BRMS1L: variants seen among roughly 807,000 people sequenced by gnomAD.
The protein encoded by BRMS1L is BRMS1 like transcriptional repressor.
Under a neutral mutation model 50.3 loss-of-function variants are expected in BRMS1L, and 23 were observed. The observed-to-expected ratio is 0.46, with a 90% CI of 0.33 to 0.65. The LOEUF (loss-of-function observed/expected upper bound fraction) is 0.65, where lower values mean the gene tolerates loss of function less well. BRMS1L is among the 30% of genes least tolerant of loss of function. BRMS1L has a pLI of 0.02. For missense variants in BRMS1L, 286 were observed against 386.1 expected, an observed-to-expected ratio of 0.74 and a Z score of 2.17; for synonymous variants, 114 against 126.9, an observed-to-expected ratio of 0.90 and a Z score of 0.69.
At chr14:35,868,688 G>A (rs1371398608) in intron 9 of BRMS1L, among the ~76,000 whole-genome samples, 3 of 152,038 alleles carry the variant, frequency 2.0e-5, no homozygotes, top group Admixed American at 6.6e-5. Flanking sequence ...CAGGAGGATC[G>A]CTTGAGCCCA....
intron 2 of BRMS1L, 80 bp from the exon 3 acceptor site, chr14:35,832,898 A>T (rs11625349): frequency 2.4e-6 from 3 of 1,272,036 alleles, no homozygotes; most frequent in African/African-American, 3.0e-5. Flanking sequence ...GATATTGGGA[A>T]CAAATAATGT....
intron 1 of BRMS1L, 98 bp downstream of exon 1, chr14:35,826,756 G>A (rs2077850307): frequency 2.0e-6 from 3 of 1,520,404 alleles, no homozygotes; most frequent in Non-Finnish European, 2.6e-6. Flanking sequence ...GGAAAGCGGG[G>A]CGGGGACAGA....
chr14:35,861,328 A>G (rs2078348389), intron 4 of BRMS1L, among the ~76,000 whole-genome samples: 1 of 152,222 alleles, frequency 6.6e-6, no homozygotes, highest in African/African-American at 2.4e-5. Context: ...TATCCTTAAC[A>G]GCAAAAGGCT....
intron 6 of BRMS1L, among the ~76,000 whole-genome samples, chr14:35,864,164 G>A (rs567032681): frequency 6.6e-6 from 1 of 152,290 alleles, no homozygotes; most frequent in Non-Finnish European, 1.5e-5. Flanking sequence ...ATTCAATCAT[G>A]ATCTCAACTT....
intron 4 of BRMS1L, among the ~76,000 whole-genome samples, chr14:35,841,166 T>G (rs1169602521): frequency 1.3e-5 from 2 of 152,140 alleles, no homozygotes; most frequent in East Asian, 1.9e-4. Context: ...CAGTTTTGAG[T>G]GAGTTTCTTA....
intron 4 of BRMS1L, among the ~76,000 whole-genome samples, chr14:35,855,071 G>C (rs2078263127): frequency 6.6e-6 from 1 of 152,196 alleles, no homozygotes; most frequent in Non-Finnish European, 1.5e-5. Flanking sequence ...TTTGTGCAGA[G>C]ATCCCAGTTC....
chr14:35,857,102 G>C (rs188753867), intron 4 of BRMS1L, among the ~76,000 whole-genome samples: 38 of 151,792 alleles, frequency 2.5e-4, no homozygotes, highest in African/African-American at 8.9e-4. Flanking sequence ...TTAGCTGGGC[G>C]TGGTCACACT....
intron 4 of BRMS1L, among the ~76,000 whole-genome samples, chr14:35,853,081 T>A (rs1257316875): frequency 1.3e-5 from 2 of 152,194 alleles, no homozygotes; most frequent in African/African-American, 4.8e-5. Context: ...CTAAAAAATG[T>A]AATATTTATC....
chr14:35,866,492 C>T (rs1488587645), intron 8 of BRMS1L, among the ~76,000 whole-genome samples: 1 of 152,076 alleles, frequency 6.6e-6, no homozygotes, highest in Non-Finnish European at 1.5e-5. Flanking sequence ...TCACTTGAGC[C>T]CAGGAGTTTG....
intron 4 of BRMS1L, among the ~76,000 whole-genome samples, chr14:35,845,753 A>AT (rs1249170942): frequency 6.6e-6 from 1 of 152,056 alleles, no homozygotes; most frequent in African/African-American, 2.4e-5. Context: ...ACACACACAC[A>AT]TTTTTTAGAA....
At chr14:35,870,094 G>A (rs1051241855) in intron 9 of BRMS1L, among the ~76,000 whole-genome samples, 1 of 151,164 alleles carries the variant, frequency 6.6e-6, no homozygotes, top group African/African-American at 2.4e-5. Context: ...GGTGGGGATG[G>A]AGTAGGAAGA....
At chr14:35,857,220 G>A (rs1721971304) in intron 4 of BRMS1L, among the ~76,000 whole-genome samples, 2 of 146,782 alleles carry the variant, frequency 1.4e-5, no homozygotes, top group East Asian at 4.1e-4. Flanking sequence ...CAGCCTGGGC[G>A]ACAGAGCAAG....
chr14:35,846,286 A>G (rs1325041712), intron 4 of BRMS1L, among the ~76,000 whole-genome samples: 1 of 151,740 alleles, frequency 6.6e-6, no homozygotes, highest in Non-Finnish European at 1.5e-5. Flanking sequence ...AGTCCCAGCT[A>G]CTCGGGAGGC....
chr14:35,831,094 C>T (rs777931376), intron 1 of BRMS1L, among the ~76,000 whole-genome samples: 9 of 151,772 alleles, frequency 5.9e-5, no homozygotes, highest in East Asian at 1.9e-4. Context: ...CTCATGGTAC[C>T]GTGCCCAGCT....
At chr14:35,855,055 C>A (rs1044483794) in intron 4 of BRMS1L, among the ~76,000 whole-genome samples, 6 of 152,188 alleles carry the variant, frequency 3.9e-5, no homozygotes, top group Admixed American at 2.6e-4. Context: ...TGTAGTCCTT[C>A]GGGGCTTTGT....
chr14:35,856,045 G>A (rs140219111), intron 4 of BRMS1L, among the ~76,000 whole-genome samples: 3 of 152,174 alleles, frequency 2.0e-5, no homozygotes, highest in Non-Finnish European at 2.9e-5. Context: ...TTGTTCTTAC[G>A]TTAGACTCAT....
intron 1 of BRMS1L, among the ~76,000 whole-genome samples, chr14:35,828,249 T>C (rs933079481): frequency 2.6e-5 from 4 of 152,166 alleles, no homozygotes; most frequent in African/African-American, 7.2e-5. Context: ...CTTGGCTCAC[T>C]GCAACCTCCG....
At chr14:35,844,317 T>G (rs2078104744) in intron 4 of BRMS1L, among the ~76,000 whole-genome samples, 1 of 152,118 alleles carries the variant, frequency 6.6e-6, no homozygotes, top group Non-Finnish European at 1.5e-5. Flanking sequence ...CCTGGTGACG[T>G]AGGAACCCGA....
rs930086784 is a variant in BRMS1L at position 35,826,397 on chromosome 14, G to A, written c.-120G>A. On this transcript the variant is annotated 5_prime_UTR_variant, in exon 1 of 10. Coordinates refer to ENST00000216807, the MANE Select transcript of BRMS1L (RefSeq NM_032352.4). ...TGAGGCCCGGGCCGGGGGCGGGGAG[G>A]AGCCAAGGGGGCGAGCAAGCTCGGT... The A allele has an allele frequency of 6.2e-6, 9 of 1,443,870 alleles. No homozygotes were observed. The highest frequency in any genetic ancestry group is 7.5e-6 in the Non-Finnish European group (8 of 1,067,712). The allele number at this position is 1,443,870 out of a possible 1,614,324, so 89.4% of individuals were successfully genotyped here.
Sources: gnomAD v4.1 joint callset for allele counts (sites outside exome capture counted in the v4.1 genomes callset) on GRCh38, gnomAD v4.1.1 for gene constraint, MANE v1.5 for transcripts, NCBI Gene and HGNC (gene_info 2026-07-23, HGNC 2026-07-21) for gene names.